The following TNIK variants were observed in gnomAD, a reference collection of about 807,000 sequenced individuals.
TNIK encodes TRAF2 and NCK interacting kinase, also known as TRAF2 and NCK-interacting protein kinase.
TNIK carries 49 observed loss-of-function variants against 191.3 expected under a neutral mutation model. The observed-to-expected ratio is 0.26, with a 90% CI of 0.20 to 0.32. TNIK has a LOEUF of 0.32. TNIK is among the 10% of genes least tolerant of loss of function. The pLI is 1.00. For missense variants in TNIK, 1,155 were observed against 1,702.3 expected, an observed-to-expected ratio of 0.68 and a Z score of 5.66; for synonymous variants, 594 against 600.9, an observed-to-expected ratio of 0.99 and a Z score of 0.17.
Position 171,108,122 on chromosome 3 carries a change from C to G in TNIK, c.2325G>C (p.Glu775Asp), listed in dbSNP as rs777594504. The change falls in exon 20 of 33, where the codon GAG becomes GAC. Residue 775 changes from glutamate (E) to aspartate (D), a missense_variant. Glu to Asp is a conservative substitution (Grantham distance 45). Around this residue, in one of 3 missense-constraint regions of TNIK, gnomAD observed 735 missense variants for 848.0 expected, o/e 0.87. Coordinates refer to ENST00000436636, the MANE Select transcript of TNIK (RefSeq NM_015028.4). The stretch of plus-strand genomic sequence containing the variant: ...ATTCTTCTGGTTTCACCTTCGCAGG[C>G]TCATGGGGGAGCACAGGTGATCCTT... ...KSEGSPVLPH[E>D]PAKVKPEESR... 4.4e-6 allele frequency: 7 copies of G among 1,577,244 alleles called. No homozygotes were observed. The highest frequency in any genetic ancestry group is 5.2e-6 in the Non-Finnish European group (6 of 1,160,374).
rs75020598 is a variant in TNIK at position 171,213,237 on chromosome 3, C to A, written c.181-1996G>T. ...CTATTTTTAAACTTGCTGTATGGGG[C>A]CAAATAATTGTGGACGAATGTAGGA... On this transcript the variant is annotated intron_variant, in intron 3 of 32. Transcript: ENST00000436636. 8.2e-3 allele frequency among the ~76,000 whole-genome samples: 1,250 copies of A among 151,928 alleles called. 15 individuals carry two copies. Among genetic ancestry groups the A allele is most frequent in the African/African-American group, 0.028 (1,168 of 41,426 alleles).
At chr3:171,430,647 CAAAAAA>C (rs34307433) in intron 1 of TNIK, among the ~76,000 whole-genome samples, 1 of 113,974 alleles carries the variant, frequency 8.8e-6, no homozygotes, top group African/African-American at 3.2e-5. Flanking sequence ...AAAAAACAGA[CAAAAAA>C]AAAAAAAAAG....
rs1234487782 is a variant in TNIK at position 171,366,087 on chromosome 3, T to A, written c.123+3533A>T. 1.3e-5 allele frequency among the ~76,000 whole-genome samples: 2 copies of A among 152,214 alleles called. No homozygotes were observed. Among genetic ancestry groups the A allele is most frequent in the African/African-American group, 4.8e-5 (2 of 41,462 alleles). On this transcript the variant is annotated intron_variant, in intron 2 of 32. Transcript: ENST00000436636. The surrounding 1 kb of genome is among the most constrained non-coding windows in gnomAD (Gnocchi z 4.1). ...TTAACAAAAATGTGTCCAGATTCCA[T>A]TAGGTTCCCAATAGATGGCATGCCA...
intron 2 of TNIK, among the ~76,000 whole-genome samples, chr3:171,287,442 C>A (rs1456580431): frequency 6.6e-6 from 1 of 152,188 alleles, no homozygotes; most frequent in Non-Finnish European, 1.5e-5. Context: ...CAGCTGTGCA[C>A]AACCTGAATC....
intron 4 of TNIK, among the ~76,000 whole-genome samples, chr3:171,195,678 T>G (rs1183923872): frequency 1.3e-5 from 2 of 152,178 alleles, no homozygotes; most frequent in Non-Finnish European, 2.9e-5. Flanking sequence ...TAAAATCTCA[T>G]GAAACTCATT....
intron 15 of TNIK, among the ~76,000 whole-genome samples, chr3:171,129,599 T>C (rs971058727): frequency 6.6e-6 from 1 of 152,184 alleles, no homozygotes; most frequent in Non-Finnish European, 1.5e-5. Flanking sequence ...GTGGTGTTCA[T>C]TCTTGCTTCT....
intron 21 of TNIK, among the ~76,000 whole-genome samples, chr3:171,103,014 C>T (rs1723853530): frequency 6.6e-6 from 1 of 152,146 alleles, no homozygotes; most frequent in African/African-American, 2.4e-5. Flanking sequence ...TTAGGCAATT[C>T]ATAGTGTTAA....
chr3:171,331,966 T>C, intron 2 of TNIK, among the ~76,000 whole-genome samples: 1 of 152,222 alleles, frequency 6.6e-6, no homozygotes. Flanking sequence ...TCTGGATAGG[T>C]AACTGCAACT....
intron 2 of TNIK, among the ~76,000 whole-genome samples, chr3:171,258,017 G>A (rs534092772): frequency 4.3e-4 from 66 of 152,256 alleles, no homozygotes; most frequent in African/African-American, 1.5e-3. Flanking sequence ...ACATCATCTT[G>A]TGCTTAGAGA....
chr3:171,415,271 T>TGATGAAA (rs1722908736), intron 1 of TNIK, among the ~76,000 whole-genome samples: 1 of 152,218 alleles, frequency 6.6e-6, no homozygotes, highest in African/African-American at 2.4e-5. Context: ...TACTGTTTCA[T>TGATGAAA]CATAGCACTT....
At chr3:171,175,381 G>A (rs1735840610) in intron 8 of TNIK, 51 bp from the exon 9 acceptor site, 1 of 1,519,434 alleles carries the variant, frequency 6.6e-7, no homozygotes, top group Non-Finnish European at 8.9e-7. Context: ...CCAAACCCAG[G>A]CCAAGCCCGT....
intron 2 of TNIK, among the ~76,000 whole-genome samples, chr3:171,329,122 C>T (rs1560435299): frequency 6.6e-6 from 1 of 152,028 alleles, no homozygotes; most frequent in Non-Finnish European, 1.5e-5. Context: ...TCCTTACACC[C>T]TATTTTATTT....
At chr3:171,457,307 C>A (rs1728898656) in intron 1 of TNIK, among the ~76,000 whole-genome samples, 1 of 152,120 alleles carries the variant, frequency 6.6e-6, no homozygotes, top group Non-Finnish European at 1.5e-5. Context: ...GAACAATAAG[C>A]CCCCAAAGTG....
chr3:171,116,489 G>T (rs1289377538), intron 18 of TNIK, among the ~76,000 whole-genome samples: 1 of 152,192 alleles, frequency 6.6e-6, no homozygotes, highest in Non-Finnish European at 1.5e-5. Context: ...ATCATAAAAA[G>T]TCAAAACAGA....
chr3:171,126,191 A>G, intron 16 of TNIK, 40 bp from the exon 17 acceptor site: 1 of 1,499,700 alleles, frequency 6.7e-7, no homozygotes, highest in Non-Finnish European at 8.9e-7. Context: ...CTATTAGAAG[A>G]AAAAAGAGAT....
chr3:171,243,086 A>C (rs1745170969), intron 2 of TNIK, among the ~76,000 whole-genome samples: 1 of 152,196 alleles, frequency 6.6e-6, no homozygotes, highest in Admixed American at 6.5e-5. Flanking sequence ...CATGGTTTTC[A>C]TGAAGAAGAG....
intron 21 of TNIK, among the ~76,000 whole-genome samples, chr3:171,103,479 G>C (rs528674793): frequency 6.6e-6 from 1 of 151,798 alleles, no homozygotes; most frequent in African/African-American, 2.4e-5. Flanking sequence ...GAAAGTGAAG[G>C]GTATGCTATT....
intron 24 of TNIK, 85 bp downstream of exon 24, chr3:171,087,257 G>GT (rs1721482205): frequency 6.4e-7 from 1 of 1,555,036 alleles, no homozygotes; most frequent in Non-Finnish European, 8.7e-7. Flanking sequence ...GGAGCTTGGC[G>GT]AAGCCTCATT....
intron 5 of TNIK, among the ~76,000 whole-genome samples, chr3:171,193,301 G>C (rs1039480843): frequency 6.6e-6 from 1 of 152,096 alleles, no homozygotes; most frequent in Non-Finnish European, 1.5e-5. Flanking sequence ...TTGGCCCTTT[G>C]CATTTCTATA....
Sources: gnomAD v4.1 joint callset for allele counts (sites outside exome capture counted in the v4.1 genomes callset) on GRCh38, gnomAD v4.1.1 for gene constraint, gnomAD v4.1.1 regional missense constraint, Gnocchi (gnomAD v3.1) non-coding constraint, MANE v1.5 for transcripts, NCBI Gene and HGNC (gene_info 2026-07-23, HGNC 2026-07-21) for gene names.